Variants in MBTD1 observed in about 807,000 individuals in gnomAD.
The protein encoded by MBTD1 is mbt domain containing 1, also known as MBT domain-containing protein 1.
Under a neutral mutation model 87.8 loss-of-function variants are expected in MBTD1, and 24 were observed. That is an observed-to-expected ratio of 0.27 (90% confidence interval 0.20 to 0.38). MBTD1 has a LOEUF of 0.38. Ranked by LOEUF, MBTD1 falls within the 10% of genes least tolerant of loss-of-function variation. The probability of loss-of-function intolerance (pLI) is 1.00; values close to 1 mark genes in which losing one functional copy is unlikely to be tolerated. For missense variants in MBTD1, 436 were observed against 760.2 expected, an observed-to-expected ratio of 0.57 and a Z score of 5.02; for synonymous variants, 237 against 248.6, an observed-to-expected ratio of 0.95 and a Z score of 0.44.
At chr17:51,240,953 T>C (rs2054129947) in intron 2 of MBTD1, among the ~76,000 whole-genome samples, 5 of 152,196 alleles carry the variant, frequency 3.3e-5, no homozygotes, top group African/African-American at 9.6e-5. Context: ...AGGCACGAGG[T>C]CCATCCACCC....
chr17:51,179,482 T>TA lies in MBTD1; in HGVS notation c.*1093_*1094insT, dbSNP rs1555673641. 3 of 31,640 alleles carry TA rather than the reference T, an allele frequency of 9.5e-5. No individual in the cohort carries two copies. In the Admixed American group the frequency reaches 1.4e-3, roughly 14 times the overall value. The allele number at this position is 31,640 out of a possible 1,614,324, so 2.0% of individuals were successfully genotyped here. A position where few individuals can be genotyped will look rare whatever the true frequency, so the allele number is the denominator to read the frequency against. ...AAATCCTGAATACAATTAAAGACAA[T>TA]TTTATATATATATATATATATATAT... On this transcript the variant is annotated 3_prime_UTR_variant, in exon 17 of 17. Transcript: ENST00000586178.
At chr17:51,189,910 A>AG (rs2050716897) in intron 16 of MBTD1, among the ~76,000 whole-genome samples, 1 of 152,174 alleles carries the variant, frequency 6.6e-6, no homozygotes, top group African/African-American at 2.4e-5. Context: ...GGTGAGTATC[A>AG]GACCTGGCAA....
rs990168108 is a variant in MBTD1 at position 51,259,913 on chromosome 17, G to A, written c.-191C>T. The A allele has an allele frequency of 4.9e-6, 6 of 1,229,788 alleles. No individual in the cohort carries two copies. Among genetic ancestry groups the A allele is most frequent in the Non-Finnish European group, 6.1e-6 (6 of 986,032 alleles). The allele number at this position is 1,229,788 out of a possible 1,614,324, so 76.2% of individuals were successfully genotyped here. A position where few individuals can be genotyped will look rare whatever the true frequency, so the allele number is the denominator to read the frequency against. ...CCCGAGCCCGCGGCGCCCCCTCCCC[G>A]GGCTGGGGGCAGGTGCCTCTCCCCG... On this transcript the variant is annotated 5_prime_UTR_variant, in exon 1 of 17. Coordinates refer to ENST00000586178, the MANE Select transcript of MBTD1 (RefSeq NM_017643.3).
chr17:51,202,069 T>G lies in MBTD1; in HGVS notation c.1072A>C (p.Lys358Gln), dbSNP rs1209374763. The part of the protein sequence containing the change: ...GHRFKRSDIT[K>Q]KQDGHFDTPP... ...GTATCAAAATGTCCATCCTGTTTCT[T>G]TGTAATATCTACAAGGAAAAGTTAC... The change falls in exon 11 of 17, where the codon AAG becomes CAG. Residue 358 changes from lysine (K) to glutamine (Q), a missense_variant. Lys to Gln is a moderately conservative substitution (Grantham distance 53, BLOSUM62 1). Coordinates refer to ENST00000586178, the MANE Select transcript of MBTD1 (RefSeq NM_017643.3). 6.2e-7 allele frequency: 1 copy of G among 1,604,002 alleles called. No individual in the cohort carries two copies. Among genetic ancestry groups the G allele is most frequent in the Admixed American group, 1.7e-5 (1 of 59,512 alleles).
At chr17:51,180,969 T>A (rs2050278361) in intron 16 of MBTD1, among the ~76,000 whole-genome samples, 1 of 152,150 alleles carries the variant, frequency 6.6e-6, no homozygotes, top group South Asian at 2.1e-4. Flanking sequence ...CACTTTTATG[T>A]CAATGTTTGT....
rs534548835 is a variant in MBTD1, at chr17:51,178,546, C to A, written c.*2030G>T. Reference sequence around the variant, plus strand: ...CTGGCAGAGTACACTACACAACAGGCTTCTTGTGCCTGTGCTGTGGAATTA... The same window carrying A: ...CTGGCAGAGTACACTACACAACAGGATTCTTGTGCCTGTGCTGTGGAATTA... On this transcript the variant is annotated 3_prime_UTR_variant, in exon 17 of 17. Transcript: ENST00000586178. The A allele has an allele frequency of 6.6e-6, 1 of 152,322 alleles. No homozygotes were observed. Among genetic ancestry groups the A allele is most frequent in the South Asian group, 2.1e-4 (1 of 4,830 alleles). The allele number at this position is 152,322 out of a possible 1,614,324, so 9.4% of individuals were successfully genotyped here.
At chr17:51,206,475 T>C (rs1358752787) in intron 7 of MBTD1, among the ~76,000 whole-genome samples, 1 of 152,216 alleles carries the variant, frequency 6.6e-6, no homozygotes, top group Non-Finnish European at 1.5e-5. Context: ...ATGGCCTATA[T>C]ATCTGGTCTA....
intron 2 of MBTD1, among the ~76,000 whole-genome samples, chr17:51,255,878 G>A (rs569013849): frequency 1.3e-5 from 2 of 152,226 alleles, no homozygotes; most frequent in African/African-American, 2.4e-5. Flanking sequence ...GATTACAGGC[G>A]TTAGCCAACA....
At chr17:51,257,592 A>G (rs1369505731) in intron 2 of MBTD1, among the ~76,000 whole-genome samples, 1 of 152,232 alleles carries the variant, frequency 6.6e-6, no homozygotes, top group African/African-American at 2.4e-5. Flanking sequence ...AACCAGCTTT[A>G]AAGAATATGG....
At chr17:51,230,703 G>C (rs2053500607) in intron 2 of MBTD1, among the ~76,000 whole-genome samples, 3 of 150,608 alleles carry the variant, frequency 2.0e-5, no homozygotes, top group Admixed American at 1.3e-4. Flanking sequence ...TCGGAGGCCA[G>C]TGTGGCTGGC....
chr17:51,198,521 A>T (rs1254233770), intron 12 of MBTD1, among the ~76,000 whole-genome samples: 2 of 152,152 alleles, frequency 1.3e-5, no homozygotes, highest in Non-Finnish European at 2.9e-5. Context: ...CTTACATGGG[A>T]TTCCTTTCTT....
At chr17:51,241,570 G>GT (rs2054163019) in intron 2 of MBTD1, among the ~76,000 whole-genome samples, 1 of 151,712 alleles carries the variant, frequency 6.6e-6, no homozygotes, top group South Asian at 2.1e-4. Context: ...ATTTTTCAAT[G>GT]TTGTATTTTT....
Position 51,225,148 on chromosome 17 carries a change from T to C in MBTD1, c.14A>G (p.Tyr5Cys), listed in dbSNP as rs1457357510. The change falls in exon 3 of 17, where the codon TAT (tyrosine) becomes TGT (cysteine). Residue 5 changes from tyrosine (Y) to cysteine (C), a missense_variant. This residue lies in a region of MBTD1 where 38 missense variants were observed against 33.8 expected (regional missense o/e 1.12). Transcript: ENST00000586178. The stretch of plus-strand genomic sequence containing the variant: ...GCTTGTGTCCTCACTGCAGCTATCA[T>C]AACCGTCAAACATCCCGAAAGAATC... Reference protein sequence around the residue: MFDGYDSCSEDTSSS... With the variant: MFDGCDSCSEDTSSS... 1.3e-6 allele frequency: 2 copies of C among 1,547,466 alleles called. No individual in the cohort carries two copies. The highest frequency in any genetic ancestry group is 2.4e-5 in the East Asian group (1 of 40,830).
At chr17:51,182,500 AAAAGT>A (rs1392061385) in intron 16 of MBTD1, among the ~76,000 whole-genome samples, 1 of 152,182 alleles carries the variant, frequency 6.6e-6, no homozygotes, top group African/African-American at 2.4e-5. Flanking sequence ...TGAAAATCTG[AAAAGT>A]AGATAGACTT....
chr17:51,177,529 A>C lies in MBTD1; in HGVS notation c.*3047T>G, dbSNP rs2050152883. ...TAATGCTTTTCACATCCATGCTGAA[A>C]ATTTGCAATTTGGTAAAAATGAAAG... On this transcript the variant is annotated 3_prime_UTR_variant, in exon 17 of 17. Coordinates refer to ENST00000586178, the MANE Select transcript of MBTD1 (RefSeq NM_017643.3). 2 of 152,228 alleles carry C rather than the reference A, an allele frequency of 1.3e-5. No individual in the cohort carries two copies. Among genetic ancestry groups the C allele is most frequent in the African/African-American group, 4.8e-5 (2 of 41,450 alleles). The allele number at this position is 152,228 out of a possible 1,614,324, so 9.4% of individuals were successfully genotyped here. A position where few individuals can be genotyped will look rare whatever the true frequency, so the allele number is the denominator to read the frequency against.
chr17:51,225,419 T>C (rs565174256), intron 2 of MBTD1, among the ~76,000 whole-genome samples: 16 of 151,872 alleles, frequency 1.1e-4, no homozygotes, highest in South Asian at 6.3e-4. Context: ...AGTGACAATC[T>C]TCGGTCACTG....
At chr17:51,189,835 C>A (rs898450418) in intron 16 of MBTD1, among the ~76,000 whole-genome samples, 1 of 152,180 alleles carries the variant, frequency 6.6e-6, no homozygotes, top group African/African-American at 2.4e-5. Context: ...TCTTGCTACT[C>A]ATTTAGATAC....
chr17:51,200,664 G>T (rs1223011955), intron 12 of MBTD1, among the ~76,000 whole-genome samples: 2 of 150,778 alleles, frequency 1.3e-5, no homozygotes, highest in African/African-American at 4.9e-5. Context: ...AGGAATTCGA[G>T]ACCAGCCCAG....
At chr17:51,181,150 C>G (rs1042142658) in intron 16 of MBTD1, among the ~76,000 whole-genome samples, 1 of 151,864 alleles carries the variant, frequency 6.6e-6, no homozygotes, top group Non-Finnish European at 1.5e-5. Flanking sequence ...CACCGCCCCC[C>G]CAAGTAGGTG....
Sources: allele counts gnomAD v4.1 joint callset (sites outside exome capture counted in the v4.1 genomes callset), GRCh38; gene constraint gnomAD v4.1.1; regional missense constraint gnomAD v4.1.1; transcripts MANE v1.5; gene names NCBI Gene and HGNC (gene_info 2026-07-23, HGNC 2026-07-21).